The following IFNAR2 variants were observed in gnomAD, a reference collection of about 807,000 sequenced individuals.
The protein encoded by IFNAR2 is interferon alpha and beta receptor subunit 2, also known as interferon alpha/beta receptor 2.
Under a neutral mutation model 49.4 loss-of-function variants are expected in IFNAR2, and 30 were observed. The ratio of observed to expected loss-of-function variants is 0.61; its 90% CI spans 0.45 to 0.82. The LOEUF is 0.82. IFNAR2 is among the 40% of genes least tolerant of loss of function. The pLI is 0.00. For missense variants in IFNAR2, 600 were observed against 622.7 expected (o/e 0.96, Z 0.39); for synonymous variants, 224 against 234.5 (o/e 0.96, Z 0.41).
Position 33,230,533 on chromosome 21 carries a change from T to G in IFNAR2, c.-84+317T>G, listed in dbSNP as rs771202405. ...CCCACCCCACCAAGGATGCCCAGGA[T>G]ACCGGGCATTTGCCACTGCAAGATG... On this transcript the variant is annotated intron_variant, in intron 1 of 8. Transcript: ENST00000342136. The surrounding 1 kb of genome is among the most constrained non-coding windows in gnomAD (Gnocchi z 5.5). 2.1e-6 allele frequency: 1 copy of G among 470,970 alleles called. No individual in the cohort carries two copies. The highest frequency in any genetic ancestry group is 4.4e-6 in the Non-Finnish European group (1 of 226,992). The allele number at this position is 470,970 out of a possible 1,614,324, so 29.2% of individuals were successfully genotyped here.
In IFNAR2 at chr21:33,245,324, A is replaced by G. The variant is rs556262031; in HGVS notation, c.221+250A>G. Among the ~76,000 whole-genome samples the G allele has an allele frequency of 1.5e-4, 23 of 152,360 alleles. No individual in the cohort carries two copies. The South Asian group carries it at 4.6e-3, about 30-fold the overall frequency. On this transcript the variant is annotated intron_variant, in intron 4 of 8. Coordinates refer to ENST00000342136, the MANE Select transcript of IFNAR2 (RefSeq NM_001289125.3). ...AAGCTTGTATGTGTCATCAAAGCCAATTTCTACAGGTCAGAACCTCACATA... is the reference window on the plus strand; with the variant it reads ...AAGCTTGTATGTGTCATCAAAGCCAGTTTCTACAGGTCAGAACCTCACATA...
chr21:33,231,404 A>G (rs996929015), intron 1 of IFNAR2, among the ~76,000 whole-genome samples: 7 of 152,238 alleles, frequency 4.6e-5, no homozygotes, highest in African/African-American at 1.7e-4. Context: ...TCAAAAATGT[A>G]CATGACTCAT....
At chr21:33,250,135 TATC>T (rs950772920) in intron 6 of IFNAR2, among the ~76,000 whole-genome samples, 14 of 152,166 alleles carry the variant, frequency 9.2e-5, no homozygotes, top group East Asian at 3.8e-4. Flanking sequence ...ATATGATTAT[TATC>T]ATTTTTCTTT....
At position 33,263,272 on chromosome 21, in the gene IFNAR2, T is replaced by C. The variant is rs1988768709; in HGVS notation, c.1320T>C (p.Ser440=). ...TGAGAGTTCTTGATGACGAGGACAG[T>C]GACGACTTAGAAGCCCCTCTGATGC... ...VFLRVLDDED[S]DDLEAPLMLS... Residue 440 remains serine, a synonymous_variant, in exon 9 of 9, where the codon AGT becomes AGC. Coordinates refer to ENST00000342136, the MANE Select transcript of IFNAR2 (RefSeq NM_001289125.3). 1 of 1,614,076 alleles carries C rather than the reference T, an allele frequency of 6.2e-7. No individual in the cohort carries two copies. Among genetic ancestry groups the C allele is most frequent in the South Asian group, 1.1e-5 (1 of 91,090 alleles).
intron 1 of IFNAR2, chr21:33,233,057 A>G (rs1986178066): frequency 4.3e-6 from 2 of 462,628 alleles, no homozygotes. Flanking sequence ...ATAAAAATAT[A>G]AATCCAATAA....
At chr21:33,236,441 C>T (rs1400234171) in intron 1 of IFNAR2, among the ~76,000 whole-genome samples, 4 of 152,166 alleles carry the variant, frequency 2.6e-5, no homozygotes, top group Non-Finnish European at 5.9e-5. Flanking sequence ...ACGTCTCTGC[C>T]TCAGATATGC....
intron 3 of IFNAR2, 73 bp downstream of exon 3, chr21:33,243,787 A>C: frequency 1.9e-6 from 2 of 1,032,718 alleles, no homozygotes; most frequent in South Asian, 2.5e-5. Context: ...TCAGAGGTAT[A>C]AAATGTGGGA....
intron 5 of IFNAR2, 25 bp from the exon 6 acceptor site, chr21:33,248,684 C>G (rs75088873): frequency 2.0e-4 from 312 of 1,583,718 alleles, no homozygotes; most frequent in Middle Eastern, 3.4e-4. Flanking sequence ...TGACATATTC[C>G]TGTCTGTTTT....
intron 4 of IFNAR2, among the ~76,000 whole-genome samples, chr21:33,246,405 C>T (rs1987411938): frequency 6.6e-6 from 1 of 152,148 alleles, no homozygotes. Context: ...TACTACATGC[C>T]AGGGGGTCCA....
At position 33,237,078 on chromosome 21, in the gene IFNAR2, G is replaced by GATGTGTGTGTGTGTGTGTGTGTGT. The variant is rs3223272; in HGVS notation, c.-83-4762_-83-4761insATGTGTGTGTGTGTGTGTGTGTGT. On this transcript the variant is annotated intron_variant, in intron 1 of 8. Coordinates refer to ENST00000342136, the MANE Select transcript of IFNAR2 (RefSeq NM_001289125.3). ...CCCCTGGCCCAGAGGGGGAGAATGGGGTGTGTGTGTGTGTGTGTGTGTGTG... is the reference window on the plus strand; with the variant it reads ...CCCCTGGCCCAGAGGGGGAGAATGGGATGTGTGTGTGTGTGTGTGTGTGTGTGTGTGTGTGTGTGTGTGTGTGTG... Among the ~76,000 whole-genome samples the GATGTGTGTGTGTGTGTGTGTGTGT allele has an allele frequency of 2.2e-3, 332 of 147,688 alleles. 2 individuals are homozygous for GATGTGTGTGTGTGTGTGTGTGTGT. Among genetic ancestry groups the GATGTGTGTGTGTGTGTGTGTGTGT allele is most frequent in the African/African-American group, 7.8e-3 (312 of 39,996 alleles).
Position 33,229,960 on chromosome 21 carries a change from G to T in IFNAR2, c.-340G>T, listed in dbSNP as rs1568870832. ...TCCGTATCGCTCCTCGTAGGCCGGGGCTCGGCGCGCGCACCCGCACTAAAG... is the reference window on the plus strand; with the variant it reads ...TCCGTATCGCTCCTCGTAGGCCGGGTCTCGGCGCGCGCACCCGCACTAAAG... On this transcript the variant is annotated 5_prime_UTR_variant, in exon 1 of 9. Transcript: ENST00000342136. The T allele has an allele frequency of 1.0e-6, 1 of 984,004 alleles. No homozygotes were observed. The highest frequency in any genetic ancestry group is 1.1e-4 in the East Asian group (1 of 8,766). 61.0% of individuals were successfully genotyped at this position (984,004 alleles called of 1,614,324 possible).
At chr21:33,231,692 A>G (rs1241797502) in intron 1 of IFNAR2, 3 of 984,738 alleles carry the variant, frequency 3.0e-6, no homozygotes, top group Non-Finnish European at 2.4e-6. Context: ...AGTCAATGGT[A>G]TGTATCATCT....
At chr21:33,245,303 T>G (rs1159242029) in intron 4 of IFNAR2, among the ~76,000 whole-genome samples, 1 of 152,230 alleles carries the variant, frequency 6.6e-6, no homozygotes, top group African/African-American at 2.4e-5. Context: ...TTGACAAAGC[T>G]TGTATGTGTC....
In IFNAR2 at chr21:33,250,410, G is replaced by A. The variant is rs1195460317; in HGVS notation, c.540+1556G>A. ...GGCATCTTCTTCATAAGGAAAATTA[G>A]CCTTTAAATCCAGAAAAAAAAATAA... On this transcript the variant is annotated intron_variant, in intron 6 of 8. Coordinates refer to ENST00000342136, the MANE Select transcript of IFNAR2 (RefSeq NM_001289125.3). 2.6e-5 allele frequency among the ~76,000 whole-genome samples: 4 copies of A among 152,178 alleles called. No homozygotes were observed. The South Asian group carries it at 8.3e-4, about 32-fold the overall frequency.
rs1987296784 is a variant in IFNAR2 at position 33,245,080 on chromosome 21, T to C, written c.221+6T>C. On this transcript the variant is annotated splice_donor_region_variant and intron_variant, in intron 4 of 8. Coordinates refer to ENST00000342136, the MANE Select transcript of IFNAR2 (RefSeq NM_001289125.3). The stretch of plus-strand genomic sequence containing the variant: ...TTGCTGTATACAATCATGAGGTTGG[T>C]TTGATATTTCATTTTCTCTTGGTAA... 6.2e-7 allele frequency: 1 copy of C among 1,600,798 alleles called. No individual in the cohort carries two copies. The highest frequency in any genetic ancestry group is 2.2e-5 in the East Asian group (1 of 44,808).
intron 7 of IFNAR2, among the ~76,000 whole-genome samples, chr21:33,257,587 T>G (rs1407535742): frequency 1.3e-5 from 2 of 150,724 alleles, no homozygotes; most frequent in African/African-American, 2.4e-5. Context: ...GAGTGCTGAT[T>G]GGTGCGTTTT....
At chr21:33,234,353 T>C (rs1224000523) in intron 1 of IFNAR2, among the ~76,000 whole-genome samples, 1 of 152,220 alleles carries the variant, frequency 6.6e-6, no homozygotes, top group East Asian at 1.9e-4. Flanking sequence ...TTAACAATTG[T>C]TGATGCTGGA....
intron 7 of IFNAR2, among the ~76,000 whole-genome samples, chr21:33,253,939 G>A (rs970914492): frequency 2.0e-5 from 3 of 152,104 alleles, no homozygotes; most frequent in African/African-American, 7.2e-5. Flanking sequence ...CATCCTGTAA[G>A]TTACAATGCC....
intron 4 of IFNAR2, among the ~76,000 whole-genome samples, chr21:33,245,290 A>G (rs1381603425): frequency 2.0e-5 from 3 of 152,184 alleles, no homozygotes; most frequent in African/African-American, 7.2e-5. Flanking sequence ...ATCCAAATCT[A>G]TTTTGACAAA....
Sources: gnomAD v4.1 joint callset for allele counts (sites outside exome capture counted in the v4.1 genomes callset) on GRCh38, gnomAD v4.1.1 for gene constraint, Gnocchi (gnomAD v3.1) non-coding constraint, MANE v1.5 for transcripts, NCBI Gene and HGNC (gene_info 2026-07-23, HGNC 2026-07-21) for gene names.